Variants in RAPGEF5 observed in about 807,000 individuals in gnomAD.
RAPGEF5 encodes M-Ras-regulated GEF.
A neutral mutation model predicts 125.2 loss-of-function variants in RAPGEF5; 65 were observed. The observed-to-expected ratio is 0.52, with a 90% CI of 0.43 to 0.64. The LOEUF is 0.64. RAPGEF5 is among the 30% of genes least tolerant of loss of function. The pLI is 0.00. For synonymous variants in RAPGEF5, 391 were observed against 385.9 expected (o/e 1.01, Z -0.16); for missense variants, 958 against 1,048.1 (o/e 0.91, Z 1.19).
chr7:22,305,457 G>T (rs1783314840), intron 5 of RAPGEF5, among the ~76,000 whole-genome samples: 1 of 151,884 alleles, frequency 6.6e-6, no homozygotes, highest in Non-Finnish European at 1.5e-5. Context: ...TATTTACGGG[G>T]TACATGAGAT....
chr7:22,137,606 T>C (rs1183873572), intron 21 of RAPGEF5, among the ~76,000 whole-genome samples: 4 of 152,156 alleles, frequency 2.6e-5, no homozygotes, highest in Non-Finnish European at 5.9e-5. Context: ...AAGTAAAAAA[T>C]TGGGTGCCTT....
chr7:22,285,612 G>A (rs1037919410), intron 6 of RAPGEF5, among the ~76,000 whole-genome samples: 7 of 152,088 alleles, frequency 4.6e-5, no homozygotes, highest in African/African-American at 1.7e-4. Context: ...CACCAAGAAG[G>A]ACAAACTAAA....
intron 6 of RAPGEF5, among the ~76,000 whole-genome samples, chr7:22,278,263 C>T (rs1047470059): frequency 6.6e-6 from 1 of 152,150 alleles, no homozygotes; most frequent in Non-Finnish European, 1.5e-5. Context: ...ATGTTCTTTT[C>T]TTTCCCTTAT....
At chr7:22,280,838 T>C (rs1400001412) in intron 6 of RAPGEF5, among the ~76,000 whole-genome samples, 3 of 152,222 alleles carry the variant, frequency 2.0e-5, no homozygotes, top group Non-Finnish European at 4.4e-5. Context: ...CTCTGACATC[T>C]AGAATGTCAG....
intron 23 of RAPGEF5, 80 bp from the exon 24 acceptor site, chr7:22,131,181 C>A: frequency 1.4e-6 from 2 of 1,404,054 alleles, no homozygotes; most frequent in Non-Finnish European, 9.3e-7. Context: ...AGGTACAATG[C>A]AACTTATTCA....
At chr7:22,278,507 A>G (rs1223026276) in intron 6 of RAPGEF5, among the ~76,000 whole-genome samples, 1 of 152,078 alleles carries the variant, frequency 6.6e-6, no homozygotes, top group Non-Finnish European at 1.5e-5. Context: ...ACAAAAGTAG[A>G]TGAGGAAAAA....
At chr7:22,263,477 C>A (rs1160710191) in intron 7 of RAPGEF5, among the ~76,000 whole-genome samples, 2 of 152,054 alleles carry the variant, frequency 1.3e-5, no homozygotes, top group Non-Finnish European at 2.9e-5. Context: ...CGCCTATAAT[C>A]CCAGCAGTTT....
At chr7:22,277,112 A>G (rs1248613828) in intron 6 of RAPGEF5, among the ~76,000 whole-genome samples, 2 of 152,230 alleles carry the variant, frequency 1.3e-5, no homozygotes, top group African/African-American at 4.8e-5. Context: ...CAGTGCTTAA[A>G]GTGCTTTTTC....
At chr7:22,195,556 T>C (rs1371617817) in intron 9 of RAPGEF5, among the ~76,000 whole-genome samples, 1 of 152,234 alleles carries the variant, frequency 6.6e-6, no homozygotes, top group Non-Finnish European at 1.5e-5. Flanking sequence ...TGGCAATTAA[T>C]GCTGGATATT....
At chr7:22,310,513 G>A (rs559909377) in intron 3 of RAPGEF5, among the ~76,000 whole-genome samples, 3 of 152,302 alleles carry the variant, frequency 2.0e-5, no homozygotes, top group African/African-American at 4.8e-5. Flanking sequence ...CTTTTATATA[G>A]AGATAATGCT....
rs568320901 is a variant in RAPGEF5 at position 22,333,600 on chromosome 7, T to TA, written c.232-15564dup. 6.3e-4 allele frequency among the ~76,000 whole-genome samples: 96 copies of TA among 152,312 alleles called. 1 individual carries two copies. In the East Asian group the frequency reaches 0.012, roughly 19 times the overall value. On this transcript the variant is annotated intron_variant, in intron 1 of 25. Transcript: ENST00000665637. ...CAATTTTTAAAAAGAGGGGGACCTCTAAAAACCTTCATAGGGGTAGGATGG... is the reference window on the plus strand; with the variant it reads ...CAATTTTTAAAAAGAGGGGGACCTCTAAAAAACCTTCATAGGGGTAGGATGG...
chr7:22,240,166 C>T (rs777405435), intron 7 of RAPGEF5, among the ~76,000 whole-genome samples: 18 of 147,382 alleles, frequency 1.2e-4, no homozygotes, highest in Non-Finnish European at 2.4e-4. Flanking sequence ...GCCAAAATCA[C>T]GCCACTGCAC....
chr7:22,356,095 A>G, intron 1 of RAPGEF5: 1 of 985,384 alleles, frequency 1.0e-6, no homozygotes, highest in Non-Finnish European at 1.2e-6. Flanking sequence ...CAATCAGCAG[A>G]CCTTCCTGCT....
chr7:22,230,943 A>T, intron 7 of RAPGEF5, 24 bp from the exon 8 acceptor site: 1 of 1,542,970 alleles, frequency 6.5e-7, no homozygotes, highest in Non-Finnish European at 8.8e-7. Flanking sequence ...ACACCATTAA[A>T]CAAATGTATC....
intron 6 of RAPGEF5, among the ~76,000 whole-genome samples, chr7:22,283,044 A>T (rs901189645): frequency 4.7e-5 from 5 of 105,590 alleles, no homozygotes; most frequent in African/African-American, 2.1e-4. Flanking sequence ...TCTGTAAAAA[A>T]ATACACACAC....
At chr7:22,258,686 C>G (rs1782070423) in intron 7 of RAPGEF5, among the ~76,000 whole-genome samples, 1 of 149,412 alleles carries the variant, frequency 6.7e-6, no homozygotes, top group African/African-American at 2.5e-5. Flanking sequence ...GAATAGAGAG[C>G]CCATAAATAG....
chr7:22,197,861 G>A (rs2128127297), intron 9 of RAPGEF5, among the ~76,000 whole-genome samples: 1 of 139,304 alleles, frequency 7.2e-6, no homozygotes, highest in Non-Finnish European at 1.5e-5. Context: ...GGTTTAGAGA[G>A]CAACACATTA....
chr7:22,302,419 C>T (rs1783229682), intron 5 of RAPGEF5, among the ~76,000 whole-genome samples: 1 of 152,182 alleles, frequency 6.6e-6, no homozygotes, highest in Non-Finnish European at 1.5e-5. Flanking sequence ...GGACCACCAG[C>T]ATTAATCAAG....
intron 11 of RAPGEF5, among the ~76,000 whole-genome samples, chr7:22,178,598 A>C (rs1253812583): frequency 6.6e-6 from 1 of 152,234 alleles, no homozygotes; most frequent in Non-Finnish European, 1.5e-5. Flanking sequence ...GATGAAGATG[A>C]ACAGTCAGGT....
Sources: allele counts gnomAD v4.1 joint callset (sites outside exome capture counted in the v4.1 genomes callset), GRCh38; gene constraint gnomAD v4.1.1; transcripts MANE v1.5; gene names NCBI Gene and HGNC (gene_info 2026-07-23, HGNC 2026-07-21).